KCNH8: variants seen among roughly 807,000 people sequenced by gnomAD.
KCNH8 encodes potassium voltage-gated channel subfamily H member 8, also known as voltage-gated delayed rectifier potassium channel KCNH8.
KCNH8 carries 70 observed loss-of-function variants against 103.6 expected under a neutral mutation model. The observed-to-expected ratio is 0.68, with a 90% confidence interval of 0.56 to 0.82. The LOEUF is 0.82. Ranked by LOEUF, KCNH8 falls within the 40% of genes least tolerant of loss-of-function variation. The pLI is 0.00. For missense variants in KCNH8, 1,217 were observed against 1,329.9 expected, an observed-to-expected ratio of 0.92 and a Z score of 1.32; for synonymous variants, 498 against 489.4, an observed-to-expected ratio of 1.02 and a Z score of -0.23.
chr3:19,395,367 CAAG>C (rs1448650008), intron 7 of KCNH8, 56 bp downstream of exon 7: 3 of 1,258,732 alleles, frequency 2.4e-6, no homozygotes, highest in Admixed American at 3.8e-5. Context: ...AAAAGAGTAT[CAAG>C]AACTTGGAGG....
In KCNH8 at chr3:19,253,847, A is replaced by G. The variant is rs761420458; in HGVS notation, c.270A>G (p.Lys90=). ...MLQIEKSLEE[K]TEFKGEIMFY... ...AAATAGAAAAGTCACTGGAGGAGAA[A>G]ACAGAATTCAAAGGAGAAATTATGT... Residue 90 remains lysine, a synonymous_variant, in exon 2 of 16, where the codon AAA becomes AAG. Transcript: ENST00000328405. 1.2e-6 allele frequency: 2 copies of G among 1,613,692 alleles called. No homozygotes were observed. Among genetic ancestry groups the G allele is most frequent in the East Asian group, 4.5e-5 (2 of 44,872 alleles).
intron 11 of KCNH8, among the ~76,000 whole-genome samples, chr3:19,479,222 CTCG>C: frequency 6.6e-6 from 1 of 152,076 alleles, no homozygotes; most frequent in Admixed American, 6.6e-5. Flanking sequence ...TTCTCCGGCT[CTCG>C]TCCAGAAACT....
chr3:19,199,020 C>G (rs1365566764), intron 1 of KCNH8, among the ~76,000 whole-genome samples: 1 of 151,944 alleles, frequency 6.6e-6, no homozygotes. Context: ...ACTGGCTGAC[C>G]AAGAACTGCC....
At chr3:19,523,463 A>C (rs2069007542) in intron 15 of KCNH8, among the ~76,000 whole-genome samples, 1 of 151,966 alleles carries the variant, frequency 6.6e-6, no homozygotes, top group South Asian at 2.1e-4. Context: ...AAGCACTGTT[A>C]TAAGATAAAT....
chr3:19,330,653 C>T (rs961919382), intron 3 of KCNH8, among the ~76,000 whole-genome samples: 5 of 152,046 alleles, frequency 3.3e-5, no homozygotes, highest in African/African-American at 1.2e-4. Context: ...GTAGGAAAAC[C>T]AAAATATTCC....
In KCNH8 at chr3:19,148,537, G is replaced by T; in HGVS notation, c.-183G>T. On this transcript the variant is annotated 5_prime_UTR_variant, in exon 1 of 16. Coordinates refer to ENST00000328405, the MANE Select transcript of KCNH8 (RefSeq NM_144633.3). ...TCTTGGGGCTCCTCCTGCCACAGCC[G>T]GGGCGGCTGGAACTCTCTCCCTTTC... 1.6e-6 allele frequency: 1 copy of T among 619,998 alleles called. No homozygotes were observed. The highest frequency in any genetic ancestry group is 2.9e-6 in the Non-Finnish European group (1 of 346,322). The allele number at this position is 619,998 out of a possible 1,614,324, so 38.4% of individuals were successfully genotyped here.
chr3:19,450,374 A>T (rs1172305981), intron 9 of KCNH8, 69 bp downstream of exon 9: 1 of 1,214,654 alleles, frequency 8.2e-7, no homozygotes, highest in East Asian at 2.3e-5. Context: ...AAGATGTTCT[A>T]ATGCAGGTAT....
At chr3:19,422,231 G>A (rs1015792512) in intron 7 of KCNH8, among the ~76,000 whole-genome samples, 3 of 151,890 alleles carry the variant, frequency 2.0e-5, no homozygotes, top group Admixed American at 2.0e-4. Context: ...TACAGATCAT[G>A]GTATTTTAAC....
chr3:19,158,575 A>G (rs2063203670), intron 1 of KCNH8, among the ~76,000 whole-genome samples: 2 of 151,814 alleles, frequency 1.3e-5, no homozygotes, highest in Admixed American at 6.6e-5. Context: ...AGGTATTTTT[A>G]TTGTTTACAC....
chr3:19,296,768 A>G (rs940850057), intron 3 of KCNH8, among the ~76,000 whole-genome samples: 5 of 152,178 alleles, frequency 3.3e-5, no homozygotes, highest in African/African-American at 1.2e-4. Context: ...TGATGGGTGC[A>G]CCAAAATCTC....
At chr3:19,372,785 C>A (rs911693607) in intron 5 of KCNH8, among the ~76,000 whole-genome samples, 1 of 152,110 alleles carries the variant, frequency 6.6e-6, no homozygotes, top group Non-Finnish European at 1.5e-5. Flanking sequence ...AAATATGTCC[C>A]ATCAATACCG....
Position 19,432,422 on chromosome 3 carries a change from T to C in KCNH8, c.1178-5742T>C, listed in dbSNP as rs35324315. On this transcript the variant is annotated intron_variant, in intron 7 of 15. Coordinates refer to ENST00000328405, the MANE Select transcript of KCNH8 (RefSeq NM_144633.3). ...CTAGCTTTTCACCAGCCTGAAACTTTGAGAAAAAAGAGAGGACAATAAGGA... is the reference window on the plus strand; with the variant it reads ...CTAGCTTTTCACCAGCCTGAAACTTCGAGAAAAAAGAGAGGACAATAAGGA... Among the ~76,000 whole-genome samples, 266 of 152,224 alleles carry C rather than the reference T, an allele frequency of 1.7e-3. 1 individual carries two copies. Among genetic ancestry groups the C allele is most frequent in the Non-Finnish European group, 2.8e-3 (188 of 67,980 alleles).
chr3:19,449,190 C>A (rs1478011135), intron 8 of KCNH8, among the ~76,000 whole-genome samples: 1 of 151,764 alleles, frequency 6.6e-6, no homozygotes, highest in Non-Finnish European at 1.5e-5. Flanking sequence ...CATGTCATTA[C>A]ACTTTGATGG....
intron 11 of KCNH8, among the ~76,000 whole-genome samples, chr3:19,501,070 C>A (rs1483225572): frequency 6.6e-6 from 1 of 151,976 alleles, no homozygotes; most frequent in Non-Finnish European, 1.5e-5. Context: ...ATCAAATAGA[C>A]ACAATAAAAA....
Position 19,518,166 on chromosome 3 carries a change from G to T in KCNH8, c.2619+92G>T, listed in dbSNP as rs1300970326. 10 of 960,062 alleles carry T rather than the reference G, an allele frequency of 1.0e-5. No individual in the cohort carries two copies. The South Asian group carries it at 1.4e-4, about 13-fold the overall frequency. The allele number at this position is 960,062 out of a possible 1,614,324, so 59.5% of individuals were successfully genotyped here. On this transcript the variant is annotated intron_variant, in intron 15 of 15. Transcript: ENST00000328405. ...AAGCAGTGTAATATAGTAGTTACAA[G>T]CATGCATTCCAGAATGAGACCACCA...
At chr3:19,408,511 A>C (rs1378733061) in intron 7 of KCNH8, among the ~76,000 whole-genome samples, 1 of 152,150 alleles carries the variant, frequency 6.6e-6, no homozygotes, top group Non-Finnish European at 1.5e-5. Flanking sequence ...AATGGTCACT[A>C]TCCAAAATAG....
intron 1 of KCNH8, among the ~76,000 whole-genome samples, chr3:19,222,101 G>A (rs2063882190): frequency 6.6e-6 from 1 of 151,944 alleles, no homozygotes; most frequent in Admixed American, 6.5e-5. Context: ...CTCCCGCCTC[G>A]GCCTCCCAAA....
intron 1 of KCNH8, among the ~76,000 whole-genome samples, chr3:19,174,671 T>G (rs969842411): frequency 2.0e-5 from 3 of 152,214 alleles, no homozygotes; most frequent in African/African-American, 7.2e-5. Flanking sequence ...AGGCATTTAC[T>G]ACACGCTTTT....
intron 2 of KCNH8, among the ~76,000 whole-genome samples, chr3:19,276,014 G>A (rs1283302763): frequency 6.6e-6 from 1 of 152,100 alleles, no homozygotes; most frequent in Non-Finnish European, 1.5e-5. Context: ...ATATAATAAA[G>A]TGGAGGGGTA....
Sources: gnomAD v4.1 joint callset for allele counts (sites outside exome capture counted in the v4.1 genomes callset) on GRCh38, gnomAD v4.1.1 for gene constraint, MANE v1.5 for transcripts, NCBI Gene and HGNC (gene_info 2026-07-23, HGNC 2026-07-21) for gene names.